The following PLPP4 variants were observed in gnomAD, a reference collection of about 807,000 sequenced individuals.
The protein encoded by PLPP4 is phospholipid phosphatase 4.
In PLPP4, 20 loss-of-function variants were observed where a neutral mutation model predicts 32.2. The ratio of observed to expected loss-of-function variants is 0.62; its 90% CI spans 0.44 to 0.90. PLPP4 has a LOEUF of 0.90. PLPP4 is among the 40% of genes least tolerant of loss of function. The pLI, the probability that PLPP4 is intolerant of heterozygous loss-of-function variation, is 0.00. For synonymous variants in PLPP4, 127 were observed against 133.0 expected, an observed-to-expected ratio of 0.95 and a Z score of 0.31; for missense variants, 257 against 353.1, an observed-to-expected ratio of 0.73 and a Z score of 2.18.
In PLPP4 at chr10:120,495,733, C is replaced by G. The variant is rs910472046; in HGVS notation, c.57-8085C>G. On this transcript the variant is annotated intron_variant, in intron 1 of 6. Transcript: ENST00000398250. ...GATGCAGAGTTTTGTTGCCATTCTTCTATCTGCTCCCTTTTCCCAACACAC... is the reference window on the plus strand; with the variant it reads ...GATGCAGAGTTTTGTTGCCATTCTTGTATCTGCTCCCTTTTCCCAACACAC... Among the ~76,000 whole-genome samples the G allele has an allele frequency of 1.4e-4, 21 of 152,240 alleles. No individual in the cohort carries two copies. The East Asian group carries it at 3.1e-3, about 22-fold the overall frequency.
chr10:120,500,222 A>G (rs1437750136), intron 1 of PLPP4, among the ~76,000 whole-genome samples: 1 of 152,124 alleles, frequency 6.6e-6, no homozygotes, highest in Non-Finnish European at 1.5e-5. Context: ...AGGATAATAA[A>G]ACCTGAAAGA....
intron 5 of PLPP4, among the ~76,000 whole-genome samples, chr10:120,574,031 G>A (rs1283427600): frequency 6.6e-6 from 1 of 151,626 alleles, no homozygotes; most frequent in East Asian, 1.9e-4. Flanking sequence ...AGAAAGTTTG[G>A]ATTAGACTGG....
At chr10:120,474,291 T>C (rs1429190933) in intron 1 of PLPP4, among the ~76,000 whole-genome samples, 1 of 152,086 alleles carries the variant, frequency 6.6e-6, no homozygotes, top group Non-Finnish European at 1.5e-5. Flanking sequence ...TTATCATTTA[T>C]CCATTTTTAC....
intron 1 of PLPP4, 126 bp downstream of exon 1, chr10:120,457,487 C>G: frequency 1.4e-6 from 1 of 719,790 alleles, no homozygotes; most frequent in Non-Finnish European, 2.2e-6. Context: ...GTCCCTTCCC[C>G]GCCAAGTGCC....
chr10:120,580,878 A>G (rs1042790572), intron 6 of PLPP4: 1 of 1,288,810 alleles, frequency 7.8e-7, no homozygotes, highest in Non-Finnish European at 1.0e-6. Flanking sequence ...AATTGATGTC[A>G]CCTCATTTTC....
rs568646765 is a variant in PLPP4 at position 120,573,113 on chromosome 10, C to A, written c.446-2018C>A. ...AGGCTGTCCAAGACATGTTTTCTGA[C>A]TCTAGCCATAGAACTTGCTACTCTC... On this transcript the variant is annotated intron_variant, in intron 5 of 6. Transcript: ENST00000398250. Among the ~76,000 whole-genome samples the A allele has an allele frequency of 6.0e-4, 92 of 152,318 alleles. 1 individual carries two copies. The highest frequency in any genetic ancestry group is 2.1e-3 in the African/African-American group (88 of 41,568).
chr10:120,531,393 C>T (rs754160296), intron 5 of PLPP4, among the ~76,000 whole-genome samples: 16 of 152,006 alleles, frequency 1.1e-4, no homozygotes, highest in Non-Finnish European at 2.1e-4. Context: ...CGTGAGCCAC[C>T]GTGCCTGGCA....
intron 5 of PLPP4, among the ~76,000 whole-genome samples, chr10:120,529,874 C>T (rs1846620603): frequency 6.6e-6 from 1 of 152,166 alleles, no homozygotes; most frequent in African/African-American, 2.4e-5. Flanking sequence ...ATCACATGAA[C>T]CTGTGAGTTT....
At chr10:120,530,816 G>C (rs1306032375) in intron 5 of PLPP4, among the ~76,000 whole-genome samples, 1 of 152,126 alleles carries the variant, frequency 6.6e-6, no homozygotes, top group African/African-American at 2.4e-5. Context: ...ACCGACATTT[G>C]GTGTCATCAC....
chr10:120,459,830 A>C (rs1166161030), intron 1 of PLPP4, among the ~76,000 whole-genome samples: 1 of 152,212 alleles, frequency 6.6e-6, no homozygotes, highest in Non-Finnish European at 1.5e-5. Context: ...GCATGAGAGC[A>C]GGGATCCTGT....
chr10:120,459,766 C>T (rs1295660887), intron 1 of PLPP4, among the ~76,000 whole-genome samples: 2 of 152,100 alleles, frequency 1.3e-5, no homozygotes, highest in African/African-American at 4.8e-5. Flanking sequence ...CAAACTTATG[C>T]CCCCGGAGAA....
intron 1 of PLPP4, among the ~76,000 whole-genome samples, chr10:120,462,794 A>C (rs1318230023): frequency 1.3e-5 from 2 of 151,758 alleles, no homozygotes; most frequent in African/African-American, 4.8e-5. Context: ...TGCCTTTGGG[A>C]AATACTTATG....
intron 5 of PLPP4, among the ~76,000 whole-genome samples, chr10:120,562,590 T>G (rs955232796): frequency 1.3e-5 from 2 of 152,192 alleles, no homozygotes; most frequent in Non-Finnish European, 2.9e-5. Flanking sequence ...TCCTTCCATT[T>G]CTAGTTTGCT....
At chr10:120,495,088 G>T (rs111655919) in intron 1 of PLPP4, among the ~76,000 whole-genome samples, 1 of 152,144 alleles carries the variant, frequency 6.6e-6, no homozygotes, top group East Asian at 1.9e-4. Context: ...ACTCCGTGCC[G>T]TATAGACTTA....
intron 5 of PLPP4, 34 bp downstream of exon 5, chr10:120,521,129 C>A: frequency 6.2e-7 from 1 of 1,611,628 alleles, no homozygotes; most frequent in Non-Finnish European, 8.5e-7. Context: ...TTAATGCCCC[C>A]AGTCATGTTT....
intron 1 of PLPP4, among the ~76,000 whole-genome samples, chr10:120,496,858 A>AGT (rs1423992478): frequency 6.6e-6 from 1 of 151,672 alleles, no homozygotes; most frequent in African/African-American, 2.4e-5. Context: ...AGAGCATGGG[A>AGT]GTGAGAGAGA....
intron 5 of PLPP4, among the ~76,000 whole-genome samples, chr10:120,526,216 C>CT (rs1335036086): frequency 3.3e-5 from 5 of 152,006 alleles, no homozygotes; most frequent in Admixed American, 6.6e-5. Context: ...CATTAACATC[C>CT]TTTTTTTGTC....
At chr10:120,479,209 G>A (rs1420186800) in intron 1 of PLPP4, among the ~76,000 whole-genome samples, 8 of 152,036 alleles carry the variant, frequency 5.3e-5, no homozygotes, top group Non-Finnish European at 1.2e-4. Flanking sequence ...CTGGGCCACA[G>A]AGCGAGACTC....
At chr10:120,457,452 C>T (rs1015883439) in intron 1 of PLPP4, 91 bp downstream of exon 1, 10 of 1,206,734 alleles carry the variant, frequency 8.3e-6, no homozygotes, top group African/African-American at 7.8e-5. Flanking sequence ...TGCGCAGCCG[C>T]TTCCCACTGG....
Sources: gnomAD v4.1 joint callset for allele counts (sites outside exome capture counted in the v4.1 genomes callset) on GRCh38, gnomAD v4.1.1 for gene constraint, MANE v1.5 for transcripts, NCBI Gene and HGNC (gene_info 2026-07-23, HGNC 2026-07-21) for gene names.